CPSF2: variants seen among roughly 807,000 people sequenced by gnomAD.
CPSF2 encodes the protein cleavage and polyadenylation specific factor 2.
Under a neutral mutation model 84.2 loss-of-function variants are expected in CPSF2, and 51 were observed. That is an observed-to-expected ratio of 0.61 (90% CI 0.48 to 0.77). The LOEUF is 0.77. CPSF2 is among the 30% of genes least tolerant of loss of function. CPSF2 has a pLI of 0.00. For synonymous variants in CPSF2, 286 were observed against 311.9 expected, an observed-to-expected ratio of 0.92 and a Z score of 0.87; for missense variants, 641 against 929.4, an observed-to-expected ratio of 0.69 and a Z score of 4.03.
At chr14:92,144,081 ATCT>A (rs1050917750) in intron 9 of CPSF2, among the ~76,000 whole-genome samples, 1 of 152,080 alleles carries the variant, frequency 6.6e-6, no homozygotes, top group African/African-American at 2.4e-5. Context: ...CTAGCTACTT[ATCT>A]TCCATTTGCA....
In CPSF2 at chr14:92,143,290, T is replaced by A; in HGVS notation, c.1136T>A (p.Ile379Lys). 1.3e-6 allele frequency: 2 copies of A among 1,595,628 alleles called. No homozygotes were observed. The highest frequency in any genetic ancestry group is 1.7e-6 in the Non-Finnish European group (2 of 1,166,338). The change falls in exon 9 of 16, where the codon ATA becomes AAA. Residue 379 changes from isoleucine (I) to lysine (K), a missense_variant. Physicochemically the swap from Ile to Lys is moderately radical, Grantham distance 102. Transcript: ENST00000298875. ...AATCCTTCTGAAAAAATTACAGAAA[T>A]AGAGGTAAGCACTTGTATGTGAACT... ...IDNPSEKITE[I>K]ELRKRVKLEG...
intron 9 of CPSF2, among the ~76,000 whole-genome samples, chr14:92,152,183 G>T (rs1376505849): frequency 6.6e-6 from 1 of 151,882 alleles, no homozygotes; most frequent in African/African-American, 2.4e-5. Context: ...AGGCTGGAGC[G>T]CAATGGTGCC....
intron 2 of CPSF2, among the ~76,000 whole-genome samples, chr14:92,126,658 C>G (rs962070943): frequency 6.6e-6 from 1 of 151,838 alleles, no homozygotes. Flanking sequence ...AAAAAATTAG[C>G]CGAGTGTGGT....
At chr14:92,124,771 T>C (rs2068824704) in intron 1 of CPSF2, among the ~76,000 whole-genome samples, 2 of 152,214 alleles carry the variant, frequency 1.3e-5, no homozygotes, top group African/African-American at 2.4e-5. Context: ...ATGTAAAATA[T>C]TCAACATGAT....
intron 3 of CPSF2, 133 bp downstream of exon 3, chr14:92,131,266 A>G (rs2068924278): frequency 1.6e-6 from 1 of 613,454 alleles, no homozygotes; most frequent in Admixed American, 3.9e-5. Flanking sequence ...TACTTATGCC[A>G]AAAACCTATA....
Position 92,134,025 on chromosome 14 carries a change from T to C in CPSF2, c.164T>C (p.Ile55Thr), listed in dbSNP as rs2068968306. Residue 55 changes from isoleucine (I) to threonine (T), a missense_variant, in exon 4 of 16, where the codon ATT becomes ACT. Ile to Thr is a moderately conservative substitution (Grantham distance 89). Transcript: ENST00000298875. The stretch of plus-strand genomic sequence containing the variant: ...TGTTCTTGTAGGCATGTTCACCAGA[T>C]TGATGCAGTGCTGTTGTCTCACCCT... ...IDSLRKHVHQ[I>T]DAVLLSHPDP... The C allele has an allele frequency of 1.2e-6, 2 of 1,614,078 alleles. No homozygotes were observed. The highest frequency in any genetic ancestry group is 2.2e-5 in the South Asian group (2 of 91,074).
At chr14:92,140,447 T>G (rs992248069) in intron 7 of CPSF2, among the ~76,000 whole-genome samples, 1 of 149,740 alleles carries the variant, frequency 6.7e-6, no homozygotes, top group African/African-American at 2.5e-5. Context: ...TTTTTTTTTT[T>G]TTTTGAGATG....
rs1335767270 is a variant in CPSF2, at chr14:92,162,892, C to G, written c.*1148C>G. ...ATGGCAGACCTTGATGTTTATTTCTCAAATGGTTAAGCCCTCTTCTTTACT... is the reference window on the plus strand; with the variant it reads ...ATGGCAGACCTTGATGTTTATTTCTGAAATGGTTAAGCCCTCTTCTTTACT... On this transcript the variant is annotated 3_prime_UTR_variant, in exon 16 of 16. Transcript: ENST00000298875. 6.6e-6 allele frequency: 1 copy of G among 152,076 alleles called. No homozygotes were observed. The highest frequency in any genetic ancestry group is 2.4e-5 in the African/African-American group (1 of 41,406). 9.4% of individuals were successfully genotyped at this position (152,076 alleles called of 1,614,324 possible). A position where few individuals can be genotyped will look rare whatever the true frequency, so the allele number is the denominator to read the frequency against.
chr14:92,121,997 G>A lies in CPSF2; in HGVS notation c.-225G>A. ...AGTCTCCAGCTCCAAAATGGCGGCT[G>A]CCACTGTGGGGCTTCTGCCGGCCGG... On this transcript the variant is annotated 5_prime_UTR_variant, in exon 1 of 16. Transcript: ENST00000298875. 4.4e-6 allele frequency: 3 copies of A among 674,162 alleles called. No homozygotes were observed. The highest frequency in any genetic ancestry group is 7.6e-6 in the Non-Finnish European group (3 of 397,094). 41.8% of individuals were successfully genotyped at this position (674,162 alleles called of 1,614,324 possible). A position where few individuals can be genotyped will look rare whatever the true frequency, so the allele number is the denominator to read the frequency against.
At chr14:92,150,690 C>G (rs2069204101) in intron 9 of CPSF2, among the ~76,000 whole-genome samples, 1 of 152,164 alleles carries the variant, frequency 6.6e-6, no homozygotes, top group African/African-American at 2.4e-5. Context: ...TCCCAAAGTG[C>G]TAGAATTACA....
intron 9 of CPSF2, among the ~76,000 whole-genome samples, chr14:92,152,936 T>G: frequency 6.6e-6 from 1 of 152,076 alleles, no homozygotes; most frequent in Non-Finnish European, 1.5e-5. Flanking sequence ...TGATGGATTT[T>G]AAAATTTTGT....
At chr14:92,146,685 CT>C (rs2069148571) in intron 9 of CPSF2, among the ~76,000 whole-genome samples, 1 of 152,146 alleles carries the variant, frequency 6.6e-6, no homozygotes, top group Non-Finnish European at 1.5e-5. Context: ...CCAGAGAGAG[CT>C]TTTAAACATT....
At position 92,167,014 on chromosome 14, in the gene CPSF2, C is replaced by CTTTTTTTTTTTTTT. The variant is rs61186732; in HGVS notation, c.*5272_*5285dup. Reference sequence around the variant, plus strand: ...TTCTGCTTATCGATTTCTTTTTTTTCTTTTTTTTTTTTTTTGAGATAGCAT... The same window carrying CTTTTTTTTTTTTTT: ...TTCTGCTTATCGATTTCTTTTTTTTCTTTTTTTTTTTTTTTTTTTTTTTTTTTTTGAGATAGCAT... On this transcript the variant is annotated 3_prime_UTR_variant, in exon 16 of 16. Coordinates refer to ENST00000298875, the MANE Select transcript of CPSF2 (RefSeq NM_017437.3). 1 of 128,970 alleles carries CTTTTTTTTTTTTTT rather than the reference C, an allele frequency of 7.8e-6. No homozygotes were observed. Among genetic ancestry groups the CTTTTTTTTTTTTTT allele is most frequent in the Non-Finnish European group, 1.6e-5 (1 of 62,908 alleles). The allele number at this position is 128,970 out of a possible 1,614,324, so 8.0% of individuals were successfully genotyped here.
At position 92,156,649 on chromosome 14, in the gene CPSF2, A is replaced by G. The variant is rs776716846; in HGVS notation, c.1595+18A>G. 1.4e-6 allele frequency: 2 copies of G among 1,474,598 alleles called. No individual in the cohort carries two copies. The highest frequency in any genetic ancestry group is 9.2e-7 in the Non-Finnish European group (1 of 1,090,592). The allele number at this position is 1,474,598 out of a possible 1,614,324, so 91.3% of individuals were successfully genotyped here. A position where few individuals can be genotyped will look rare whatever the true frequency, so the allele number is the denominator to read the frequency against. ...GAAATAAAGTAAGTGCTTTTGTGAC[A>G]TTTTGAAAATAGATTATAAGATAAA... On this transcript the variant is annotated intron_variant, in intron 12 of 15. Transcript: ENST00000298875.
In CPSF2 at chr14:92,138,228, A is replaced by G; in HGVS notation, c.546-4A>G. On this transcript the variant is annotated splice_polypyrimidine_tract_variant and splice_region_variant and intron_variant, in intron 6 of 15. Coordinates refer to ENST00000298875, the MANE Select transcript of CPSF2 (RefSeq NM_017437.3). ...AATATTCCTCTTCTTAAACTTTCTTATAGCCATTTAAATGGATGTTCCCTG... is the reference window on the plus strand; with the variant it reads ...AATATTCCTCTTCTTAAACTTTCTTGTAGCCATTTAAATGGATGTTCCCTG... 2 of 1,485,954 alleles carry G rather than the reference A, an allele frequency of 1.3e-6. No individual in the cohort carries two copies. Among genetic ancestry groups the G allele is most frequent in the Non-Finnish European group, 1.9e-6 (2 of 1,079,080 alleles). 92.0% of individuals were successfully genotyped at this position (1,485,954 alleles called of 1,614,324 possible). A position where few individuals can be genotyped will look rare whatever the true frequency, so the allele number is the denominator to read the frequency against.
chr14:92,132,123 A>C (rs1021638507), intron 3 of CPSF2, among the ~76,000 whole-genome samples: 1 of 151,820 alleles, frequency 6.6e-6, no homozygotes, highest in African/African-American at 2.4e-5. Context: ...AATTTCTGAA[A>C]TTCTTCTCTT....
At chr14:92,131,787 C>T (rs1039199822) in intron 3 of CPSF2, among the ~76,000 whole-genome samples, 8 of 150,906 alleles carry the variant, frequency 5.3e-5, no homozygotes, top group East Asian at 3.9e-4. Context: ...TGCACTGAGC[C>T]GAGATCGTAC....
intron 7 of CPSF2, among the ~76,000 whole-genome samples, chr14:92,141,343 T>C (rs1310722179): frequency 6.6e-6 from 1 of 152,138 alleles, no homozygotes; most frequent in African/African-American, 2.4e-5. Context: ...AGATATATTG[T>C]TTTTTTGAGG....
At chr14:92,145,567 G>A (rs1330141448) in intron 9 of CPSF2, among the ~76,000 whole-genome samples, 1 of 152,214 alleles carries the variant, frequency 6.6e-6, no homozygotes, top group African/African-American at 2.4e-5. Flanking sequence ...TTCTGAGCAA[G>A]TATAGCAAAG....
Sources: allele counts gnomAD v4.1 joint callset (sites outside exome capture counted in the v4.1 genomes callset), GRCh38; gene constraint gnomAD v4.1.1; transcripts MANE v1.5; gene names NCBI Gene and HGNC (gene_info 2026-07-23, HGNC 2026-07-21).